Variants in FILIP1 observed in about 807,000 individuals in gnomAD.
FILIP1 encodes the protein filamin A interacting protein 1.
A neutral mutation model predicts 102.1 loss-of-function variants in FILIP1; 61 were observed. That is an observed-to-expected ratio of 0.60 (90% confidence interval 0.49 to 0.74). FILIP1 has a LOEUF of 0.74. FILIP1 is among the 30% of genes least tolerant of loss of function. The pLI, the probability that FILIP1 is intolerant of heterozygous loss-of-function variation, is 0.00. For missense variants in FILIP1, 1,314 were observed against 1,441.2 expected (o/e 0.91, Z 1.43); for synonymous variants, 491 against 526.9 (o/e 0.93, Z 0.93).
At position 75,409,571 on chromosome 6, in the gene FILIP1, G is replaced by A. The variant is rs1776985327; in HGVS notation, c.276+5126C>T. On this transcript the variant is annotated intron_variant, in intron 2 of 5. Transcript: ENST00000237172. Reference sequence around the variant, plus strand: ...TAAAACTAACCCCTTCCTTGCTCAGGGACCTATAACTAATGAAAAACCACG... The same window carrying A: ...TAAAACTAACCCCTTCCTTGCTCAGAGACCTATAACTAATGAAAAACCACG... 1.3e-5 allele frequency among the ~76,000 whole-genome samples: 2 copies of A among 151,996 alleles called. 1 individual carries two copies. Among genetic ancestry groups the A allele is most frequent in the South Asian group, 4.2e-4 (2 of 4,818 alleles).
rs115111594 is a variant in FILIP1 at position 75,432,254 on chromosome 6, A to G, written c.-6-17276T>C. ...TACTCAAAACTAAGTTTGAAGACAGACTTGATGTAAATGTTACCTATGAAA... is the reference window on the plus strand; with the variant it reads ...TACTCAAAACTAAGTTTGAAGACAGGCTTGATGTAAATGTTACCTATGAAA... On this transcript the variant is annotated intron_variant, in intron 1 of 5. Coordinates refer to ENST00000237172, the MANE Select transcript of FILIP1 (RefSeq NM_015687.5). Among the ~76,000 whole-genome samples, 299 of 152,338 alleles carry G rather than the reference A, an allele frequency of 2.0e-3. 2 individuals are homozygous for G. Among genetic ancestry groups the G allele is most frequent in the African/African-American group, 6.6e-3 (275 of 41,566 alleles).
intron 1 of FILIP1, among the ~76,000 whole-genome samples, chr6:75,419,519 C>CA (rs1777382211): frequency 6.6e-6 from 1 of 151,738 alleles, no homozygotes; most frequent in African/African-American, 2.4e-5. Context: ...ATTATCATAG[C>CA]AAAAAAGGAA....
chr6:75,484,006 T>C (rs1407413423), intron 1 of FILIP1, among the ~76,000 whole-genome samples: 1 of 152,146 alleles, frequency 6.6e-6, no homozygotes, highest in East Asian at 1.9e-4. Flanking sequence ...TTAGCTACTT[T>C]ATTGTTTATT....
chr6:75,369,018 G>A (rs1775431938), intron 2 of FILIP1, among the ~76,000 whole-genome samples: 1 of 152,164 alleles, frequency 6.6e-6, no homozygotes, highest in South Asian at 2.1e-4. Flanking sequence ...ACTGCTCTAG[G>A]ACAGATGACA....
intron 4 of FILIP1, among the ~76,000 whole-genome samples, chr6:75,320,720 T>G (rs1273696528): frequency 6.6e-6 from 1 of 152,266 alleles, no homozygotes; most frequent in Non-Finnish European, 1.5e-5. Flanking sequence ...CAATTTTATA[T>G]TAATAGTGGT....
chr6:75,361,782 G>C (rs1206875601), intron 3 of FILIP1: 1 of 152,216 alleles, frequency 6.6e-6, no homozygotes, highest in African/African-American at 2.4e-5. Context: ...GCAGTGGTAA[G>C]TCTCAGAAGT....
rs1300603593 is a variant in FILIP1 at position 75,414,896 on chromosome 6, T to A, written c.77A>T (p.Asn26Ile). The change falls in exon 2 of 6, where the codon AAT becomes ATT. Residue 26 changes from asparagine (N) to isoleucine (I), a missense_variant. Asn to Ile is a moderately radical substitution (Grantham distance 149). Coordinates refer to ENST00000237172, the MANE Select transcript of FILIP1 (RefSeq NM_015687.5). ...ISCPKPSIIG[N>I]AGEKSLSEDA... ...TTCTGAGAGACTTTTTTCACCAGCA[T>A]TGCCGATGATGGAGGGCTTGGGACA... The A allele has an allele frequency of 2.5e-6, 4 of 1,613,940 alleles. No individual in the cohort carries two copies. The highest frequency in any genetic ancestry group is 2.5e-6 in the Non-Finnish European group (3 of 1,179,886).
intron 4 of FILIP1, among the ~76,000 whole-genome samples, chr6:75,350,529 G>T (rs2149598819): frequency 6.6e-6 from 1 of 151,684 alleles, no homozygotes; most frequent in Non-Finnish European, 1.5e-5. Context: ...TTAGTCTGGA[G>T]TTGACCAACA....
chr6:75,303,231 G>T (rs1313781916), downstream of FILIP1, among the ~76,000 whole-genome samples: 2 of 152,162 alleles, frequency 1.3e-5, no homozygotes, highest in Non-Finnish European at 2.9e-5. Flanking sequence ...ATTGAAAATG[G>T]TTTTTAGACA....
intron 1 of FILIP1, among the ~76,000 whole-genome samples, chr6:75,473,182 T>C (rs1779379067): frequency 6.6e-6 from 1 of 152,180 alleles, no homozygotes; most frequent in Non-Finnish European, 1.5e-5. Context: ...GGAAGGATCA[T>C]TTACTTTGAT....
At chr6:75,446,199 A>G (rs946704262) in intron 1 of FILIP1, among the ~76,000 whole-genome samples, 2 of 152,158 alleles carry the variant, frequency 1.3e-5, no homozygotes, top group Non-Finnish European at 2.9e-5. Context: ...CAAATCCTCT[A>G]GTTGTTCCAT....
Position 75,313,448 on chromosome 6 carries a change from ATTC to A in FILIP1, c.2381_2383del (p.Arg794del), listed in dbSNP as rs752090345. 15 of 1,614,064 alleles carry A rather than the reference ATTC, an allele frequency of 9.3e-6. No homozygotes were observed. Among genetic ancestry groups the A allele is most frequent in the Admixed American group, 6.7e-5 (4 of 60,008 alleles). ...AGTTGACGTCACAGGAACATCCACC[ATTC>A]TTCTTCCATTCACACTGGGCCTAAG... On this transcript the variant is annotated inframe_deletion, in exon 5 of 6. Coordinates refer to ENST00000237172, the MANE Select transcript of FILIP1 (RefSeq NM_015687.5). The surrounding 1 kb of genome is among the most constrained non-coding windows in gnomAD (Gnocchi z 4.2).
intron 1 of FILIP1, among the ~76,000 whole-genome samples, chr6:75,460,572 C>T (rs144928369): frequency 6.5e-4 from 99 of 152,064 alleles, no homozygotes; most frequent in African/African-American, 2.3e-3. Context: ...GAATTTCAGC[C>T]GTCTTAGAGT....
At chr6:75,346,443 C>G (rs1298646213) in intron 4 of FILIP1, among the ~76,000 whole-genome samples, 1 of 152,106 alleles carries the variant, frequency 6.6e-6, no homozygotes, top group African/African-American at 2.4e-5. Flanking sequence ...ATCCAAGACC[C>G]AGCATTTTTG....
intron 1 of FILIP1, among the ~76,000 whole-genome samples, chr6:75,420,262 T>C (rs988475528): frequency 2.7e-5 from 4 of 148,396 alleles, no homozygotes; most frequent in African/African-American, 1.0e-4. Flanking sequence ...TCAAGAACAA[T>C]ACCAGTAGGC....
At position 75,386,882 on chromosome 6, in the gene FILIP1, T is replaced by G. The variant is rs1255332549; in HGVS notation, c.277-23965A>C. Among the ~76,000 whole-genome samples, 6 of 152,194 alleles carry G rather than the reference T, an allele frequency of 3.9e-5. No homozygotes were observed. The East Asian group carries it at 1.2e-3, about 29-fold the overall frequency. ...ATTATACTTTAAGTTCTGAGATCCA[T>G]GTGCAGAATGTGCAGGTTTGTTACA... On this transcript the variant is annotated intron_variant, in intron 2 of 5. Coordinates refer to ENST00000237172, the MANE Select transcript of FILIP1 (RefSeq NM_015687.5).
At chr6:75,435,919 G>A (rs1016364513) in intron 1 of FILIP1, among the ~76,000 whole-genome samples, 2 of 152,152 alleles carry the variant, frequency 1.3e-5, no homozygotes, top group African/African-American at 4.8e-5. Flanking sequence ...GAGTGAAGGA[G>A]CATAGTACAG....
intron 1 of FILIP1, among the ~76,000 whole-genome samples, chr6:75,444,847 A>G (rs1778394353): frequency 6.6e-6 from 1 of 152,350 alleles, no homozygotes; most frequent in Non-Finnish European, 1.5e-5. Flanking sequence ...GCAATACCCT[A>G]GGACAGGTAA....
chr6:75,432,589 C>CA (rs1777861679), intron 1 of FILIP1, among the ~76,000 whole-genome samples: 1 of 152,278 alleles, frequency 6.6e-6, no homozygotes, highest in South Asian at 2.1e-4. Context: ...GCCAATTCTG[C>CA]AAAATGTTAC....
Sources: allele counts gnomAD v4.1 joint callset (sites outside exome capture counted in the v4.1 genomes callset), GRCh38; gene constraint gnomAD v4.1.1; non-coding constraint Gnocchi (gnomAD v3.1); transcripts MANE v1.5; gene names NCBI Gene and HGNC (gene_info 2026-07-23, HGNC 2026-07-21).